CSNK2A1: variants seen among roughly 807,000 people sequenced by gnomAD.
CSNK2A1 encodes casein kinase II subunit alpha.
A neutral mutation model predicts 62.9 loss-of-function variants in CSNK2A1; 10 were observed. The ratio of observed to expected loss-of-function variants is 0.16; its 90% CI spans 0.10 to 0.27. The LOEUF (loss-of-function observed/expected upper bound fraction) is 0.27, where lower values mean the gene tolerates loss of function less well. CSNK2A1 is among the 10% of genes least tolerant of loss of function. The pLI is 1.00. For synonymous variants in CSNK2A1, 124 were observed against 167.8 expected (o/e 0.74, Z 2.02); for missense variants, 160 against 492.0 (o/e 0.33, Z 6.38).
At position 543,742 on chromosome 20, in the gene CSNK2A1, G is replaced by C. The variant is rs927132886; in HGVS notation, c.-297C>G. The C allele has an allele frequency of 5.0e-6, 2 of 398,354 alleles. No individual in the cohort carries two copies. The highest frequency in any genetic ancestry group is 8.8e-6 in the Non-Finnish European group (2 of 226,006). The allele number at this position is 398,354 out of a possible 1,614,324, so 24.7% of individuals were successfully genotyped here. A position where few individuals can be genotyped will look rare whatever the true frequency, so the allele number is the denominator to read the frequency against. ...ACACAGACAATATGGCGGCGATGGA[G>C]GAGGAGACACACGGCTCGGCCGCCA... On this transcript the variant is annotated 5_prime_UTR_variant, in exon 1 of 14. Coordinates refer to ENST00000217244, the MANE Select transcript of CSNK2A1 (RefSeq NM_177559.3).
At chr20:521,381 C>A (rs1364408426) in intron 2 of CSNK2A1, among the ~76,000 whole-genome samples, 1 of 152,002 alleles carries the variant, frequency 6.6e-6, no homozygotes, top group Non-Finnish European at 1.5e-5. Flanking sequence ...ATTAAAATGG[C>A]TAAAATTTAA....
At chr20:524,027 A>G (rs205878) in intron 2 of CSNK2A1, among the ~76,000 whole-genome samples, 46,769 of 151,718 alleles carry the variant, frequency 0.31, 7,867 homozygotes, top group East Asian at 0.67. Flanking sequence ...TATGTATTAA[A>G]ATTCATAGAA....
rs1477433111 is a variant in CSNK2A1, at chr20:489,897, C to G, written c.622-16G>C. 5.6e-6 allele frequency: 9 copies of G among 1,597,332 alleles called. No individual in the cohort carries two copies. The highest frequency in any genetic ancestry group is 7.7e-6 in the Non-Finnish European group (9 of 1,168,276). ...AATCGTACATCTGCATAAAAGTAAA[C>G]TCACTGTTATTATCTGTGAATCCTC... On this transcript the variant is annotated splice_polypyrimidine_tract_variant and intron_variant, in intron 9 of 13. Transcript: ENST00000217244.
rs117020364 is a variant in CSNK2A1 at position 489,202 on chromosome 20, C to T, written c.724-424G>A. On this transcript the variant is annotated intron_variant, in intron 10 of 13. Coordinates refer to ENST00000217244, the MANE Select transcript of CSNK2A1 (RefSeq NM_177559.3). ...TCTGAGGGGAAGAAAACTATTCTTT[C>T]TTTTTTCTGTATTCCTCAGTACTGC... is the stretch of plus-strand genomic sequence containing the variant. 6.7e-3 allele frequency: 1,216 copies of T among 182,710 alleles called. 6 individuals carry two copies. The highest frequency in any genetic ancestry group is 0.01 in the Non-Finnish European group (887 of 88,322). The allele number at this position is 182,710 out of a possible 1,614,324, so 11.3% of individuals were successfully genotyped here. A position where few individuals can be genotyped will look rare whatever the true frequency, so the allele number is the denominator to read the frequency against.
At chr20:490,335 C>CTTTTCTTTT (rs1430310808) in intron 9 of CSNK2A1, among the ~76,000 whole-genome samples, 1 of 84,804 alleles carries the variant, frequency 1.2e-5, no homozygotes, top group Non-Finnish European at 2.1e-5. Context: ...CTAGTTTTTT[C>CTTTTCTTTT]TTTTTTTTTT....
intron 9 of CSNK2A1, among the ~76,000 whole-genome samples, chr20:490,353 G>GTT (rs373775413): frequency 7.5e-5 from 4 of 53,444 alleles, no homozygotes; most frequent in Non-Finnish European, 9.4e-5. Flanking sequence ...TTTTTTTTTA[G>GTT]TTTTTTTTTT....
rs1022126602 is a variant in CSNK2A1, at chr20:475,294, T to C, written c.*8667A>G. 1 of 152,142 alleles carries C rather than the reference T, an allele frequency of 6.6e-6. No homozygotes were observed. Among genetic ancestry groups the C allele is most frequent in the Non-Finnish European group, 1.5e-5 (1 of 68,052 alleles). 9.4% of individuals were successfully genotyped at this position (152,142 alleles called of 1,614,324 possible). A position where few individuals can be genotyped will look rare whatever the true frequency, so the allele number is the denominator to read the frequency against. ...GCCAACATGGTGAAACCCTGTTGTTTTGTAAAAATACAAAAACTATCTGGG... is the reference window on the plus strand; with the variant it reads ...GCCAACATGGTGAAACCCTGTTGTTCTGTAAAAATACAAAAACTATCTGGG... On this transcript the variant is annotated 3_prime_UTR_variant, in exon 14 of 14. Coordinates refer to ENST00000217244, the MANE Select transcript of CSNK2A1 (RefSeq NM_177559.3).
At chr20:488,040 CTTTTT>C (rs530136543) in intron 11 of CSNK2A1, 23 of 143,048 alleles carry the variant, frequency 1.6e-4, no homozygotes, top group South Asian at 4.1e-4. Context: ...TGCATATAGC[CTTTTT>C]TTTTTTTTTT....
chr20:500,012 T>C (rs2018428008), intron 4 of CSNK2A1, 78 bp from the exon 5 acceptor site: 2 of 1,081,268 alleles, frequency 1.8e-6, no homozygotes, highest in Non-Finnish European at 2.7e-6. Flanking sequence ...GTGTAATACA[T>C]AAATGATAAA....
chr20:536,009 A>C (rs1260122443), intron 1 of CSNK2A1, among the ~76,000 whole-genome samples: 1 of 152,164 alleles, frequency 6.6e-6, no homozygotes, highest in Non-Finnish European at 1.5e-5. Context: ...AGGTGAGCAA[A>C]GGTAGACCTT....
intron 1 of CSNK2A1, among the ~76,000 whole-genome samples, chr20:537,718 G>C (rs1173299660): frequency 6.6e-6 from 1 of 152,086 alleles, no homozygotes; most frequent in East Asian, 1.9e-4. Flanking sequence ...AGAAATTCAG[G>C]TATAAGAACA....
At position 476,014 on chromosome 20, in the gene CSNK2A1, AG is replaced by A. The variant is rs1568484530; in HGVS notation, c.*7946del. 1 of 152,286 alleles carries A rather than the reference AG, an allele frequency of 6.6e-6. No individual in the cohort carries two copies. Among genetic ancestry groups the A allele is most frequent in the Non-Finnish European group, 1.5e-5 (1 of 68,074 alleles). The allele number at this position is 152,286 out of a possible 1,614,324, so 9.4% of individuals were successfully genotyped here. On this transcript the variant is annotated 3_prime_UTR_variant, in exon 14 of 14. Coordinates refer to ENST00000217244, the MANE Select transcript of CSNK2A1 (RefSeq NM_177559.3). ...AGACTAGACAGAGAACAAAAGCAAA[AG>A]AAAGAAAAAATTTGTCTGCAATGAC...
chr20:501,085 GAC>G (rs1491168740), intron 4 of CSNK2A1: 1 of 145,880 alleles, frequency 6.9e-6, no homozygotes, highest in Non-Finnish European at 1.5e-5. Flanking sequence ...TTTTTTTTGA[GAC>G]AGAGTCTTGC....
intron 2 of CSNK2A1, among the ~76,000 whole-genome samples, chr20:526,081 G>C (rs914728562): frequency 1.3e-5 from 2 of 152,010 alleles, no homozygotes; most frequent in African/African-American, 2.4e-5. Context: ...CAATAAATTT[G>C]AAAACAGAAG....
chr20:520,803 T>A (rs2122606978), intron 2 of CSNK2A1, among the ~76,000 whole-genome samples: 1 of 152,258 alleles, frequency 6.6e-6, no homozygotes, highest in South Asian at 2.1e-4. Flanking sequence ...CTATAAATTG[T>A]TTTGGAAGAC....
At chr20:487,298 A>G in intron 12 of CSNK2A1, 129 bp downstream of exon 12, 2 of 1,327,624 alleles carry the variant, frequency 1.5e-6, no homozygotes, top group South Asian at 1.4e-5. Context: ...CACTATCCCC[A>G]CTGGAAGAAT....
In CSNK2A1 at chr20:499,987, G is replaced by T; in HGVS notation, c.214-53C>A. ...AAAAAAAAAAAAAAATTTTTTCAGA[G>T]TATTTCAACACGTAGTGTAATACAT... On this transcript the variant is annotated intron_variant, in intron 4 of 13. Transcript: ENST00000217244. This position sits in a 1 kb window ranked among gnomAD's most constrained non-coding sequence, Gnocchi z 4.2. 2.2e-6 allele frequency: 3 copies of T among 1,392,578 alleles called. No individual in the cohort carries two copies. Among genetic ancestry groups the T allele is most frequent in the South Asian group, 2.4e-5 (2 of 83,658 alleles). 86.3% of individuals were successfully genotyped at this position (1,392,578 alleles called of 1,614,324 possible). A position where few individuals can be genotyped will look rare whatever the true frequency, so the allele number is the denominator to read the frequency against.
At chr20:529,823 C>T (rs2019174146) in intron 1 of CSNK2A1, among the ~76,000 whole-genome samples, 1 of 152,126 alleles carries the variant, frequency 6.6e-6, no homozygotes, top group Non-Finnish European at 1.5e-5. Context: ...GGGTAGAAGA[C>T]ATCAACAGAA....
intron 1 of CSNK2A1, among the ~76,000 whole-genome samples, chr20:531,908 ACTG>A (rs1470465484): frequency 6.6e-6 from 1 of 152,198 alleles, no homozygotes; most frequent in Non-Finnish European, 1.5e-5. Flanking sequence ...GCCTCACATT[ACTG>A]CTTAGAAAAT....
Sources: gnomAD v4.1 joint callset for allele counts (sites outside exome capture counted in the v4.1 genomes callset) on GRCh38, gnomAD v4.1.1 for gene constraint, Gnocchi (gnomAD v3.1) non-coding constraint, MANE v1.5 for transcripts, NCBI Gene and HGNC (gene_info 2026-07-23, HGNC 2026-07-21) for gene names.